TXNRD1: variants seen among roughly 807,000 people sequenced by gnomAD.
TXNRD1 encodes thioredoxin reductase 1.
In TXNRD1, 57 loss-of-function variants were observed where a neutral mutation model predicts 80.3. The ratio of observed to expected loss-of-function variants is 0.71; its 90% CI spans 0.57 to 0.89. TXNRD1 has a LOEUF of 0.89. Among genes scored for constraint, TXNRD1 ranks in the 40% least tolerant of loss-of-function variants. The pLI, the probability that TXNRD1 is intolerant of heterozygous loss-of-function variation, is 0.00. For missense variants in TXNRD1, 730 were observed against 803.0 expected, an observed-to-expected ratio of 0.91 and a Z score of 1.10; for synonymous variants, 291 against 285.2, an observed-to-expected ratio of 1.02 and a Z score of -0.20.
chr12:104,310,635 T>A (rs1041800761), intron 4 of TXNRD1, among the ~76,000 whole-genome samples: 4 of 152,240 alleles, frequency 2.6e-5, no homozygotes, highest in Non-Finnish European at 5.9e-5. Context: ...AATGATTTTT[T>A]AAAAATTAAG....
intron 4 of TXNRD1, among the ~76,000 whole-genome samples, chr12:104,300,808 A>G (rs1478095298): frequency 2.0e-5 from 3 of 152,122 alleles, no homozygotes; most frequent in African/African-American, 7.2e-5. Context: ...CACCACGCCC[A>G]GCTAATTTTC....
intron 15 of TXNRD1, among the ~76,000 whole-genome samples, chr12:104,335,829 A>G (rs950774276): frequency 1.3e-5 from 2 of 152,204 alleles, no homozygotes; most frequent in South Asian, 4.1e-4. Flanking sequence ...CATGTATCCT[A>G]TTTGGAAACT....
chr12:104,305,032 T>A, intron 4 of TXNRD1: 1 of 1,266,102 alleles, frequency 7.9e-7, no homozygotes, highest in Non-Finnish European at 1.1e-6. Context: ...TCTTGTAAAG[T>A]GAAAAAGTAT....
chr12:104,278,500 A>ATT (rs2033808564), intron 3 of TXNRD1, among the ~76,000 whole-genome samples: 1 of 33,352 alleles, frequency 3.0e-5, no homozygotes, highest in African/African-American at 1.7e-4. Flanking sequence ...CGCCCAGCCT[A>ATT]ATTTTTTTTT....
At chr12:104,263,252 A>T (rs1464732556) in intron 3 of TXNRD1, among the ~76,000 whole-genome samples, 1 of 152,240 alleles carries the variant, frequency 6.6e-6, no homozygotes, top group Non-Finnish European at 1.5e-5. Flanking sequence ...ATGAGGAAAT[A>T]AAAACATAGT....
intron 1 of TXNRD1, among the ~76,000 whole-genome samples, chr12:104,242,573 G>A (rs1409339854): frequency 6.6e-6 from 1 of 151,638 alleles, no homozygotes; most frequent in Non-Finnish European, 1.5e-5. Flanking sequence ...CTGTAGTATT[G>A]CTTTTAAAAT....
intron 9 of TXNRD1, among the ~76,000 whole-genome samples, chr12:104,319,874 G>T (rs1382542315): frequency 6.6e-6 from 1 of 152,222 alleles, no homozygotes; most frequent in Non-Finnish European, 1.5e-5. Flanking sequence ...ATGCATGTAT[G>T]AGTATGAAAG....
chr12:104,248,087 A>G (rs926062587), intron 1 of TXNRD1, among the ~76,000 whole-genome samples: 9 of 152,234 alleles, frequency 5.9e-5, no homozygotes, highest in African/African-American at 1.9e-4. Context: ...AGAACAGAAA[A>G]TGAGAACTAG....
chr12:104,215,787 C>T lies in TXNRD1; in HGVS notation c.-16C>T. ...CGTCCTTCGGCTCCGTCAGTTCCCA[C>T]AGGGCCTTGTGCGACATGGGCTGCG... On this transcript the variant is annotated 5_prime_UTR_variant, in exon 1 of 17. Coordinates refer to ENST00000525566, the MANE Select transcript of TXNRD1 (RefSeq NM_001093771.3). 6.4e-7 allele frequency: 1 copy of T among 1,551,884 alleles called. No individual in the cohort carries two copies. Among genetic ancestry groups the T allele is most frequent in the African/African-American group, 1.4e-5 (1 of 73,012 alleles).
At chr12:104,217,012 C>T (rs531020431) in intron 1 of TXNRD1, among the ~76,000 whole-genome samples, 9 of 152,090 alleles carry the variant, frequency 5.9e-5, no homozygotes, top group Non-Finnish European at 1.0e-4. Flanking sequence ...GGGAAGCAGC[C>T]GGTGAGACCA....
chr12:104,349,607 A>G lies in TXNRD1; in HGVS notation c.*1186A>G, dbSNP rs1010431643. ...GTGTTTATGCTTTGTTAGCATTTCA[A>G]CTTGCATTATTATAAAGAGGTATTA... On this transcript the variant is annotated 3_prime_UTR_variant, in exon 17 of 17. Coordinates refer to ENST00000525566, the MANE Select transcript of TXNRD1 (RefSeq NM_001093771.3). 2.6e-5 allele frequency: 4 copies of G among 152,642 alleles called. No homozygotes were observed. The highest frequency in any genetic ancestry group is 6.5e-5 in the Admixed American group (1 of 15,278). 9.5% of individuals were successfully genotyped at this position (152,642 alleles called of 1,614,324 possible).
intron 2 of TXNRD1, among the ~76,000 whole-genome samples, chr12:104,257,346 A>AATATATTT (rs2033277705): frequency 1.3e-5 from 2 of 151,678 alleles, no homozygotes; most frequent in Non-Finnish European, 2.9e-5. Context: ...ACTATTGTAG[A>AATATATTT]ATATATTTTT....
chr12:104,297,836 G>A (rs1285051419), intron 4 of TXNRD1, among the ~76,000 whole-genome samples: 1 of 152,176 alleles, frequency 6.6e-6, no homozygotes, highest in East Asian at 1.9e-4. Flanking sequence ...CACATACCCA[G>A]TCCTTCTTAC....
chr12:104,264,618 TA>T (rs1390980908), intron 3 of TXNRD1, among the ~76,000 whole-genome samples: 1 of 152,226 alleles, frequency 6.6e-6, no homozygotes, highest in African/African-American at 2.4e-5. Context: ...GTCTTTTTTG[TA>T]AACTCTGTTC....
intron 3 of TXNRD1, among the ~76,000 whole-genome samples, chr12:104,259,862 C>T (rs2033329004): frequency 6.6e-6 from 1 of 152,118 alleles, no homozygotes; most frequent in Non-Finnish European, 1.5e-5. Context: ...TTTCTAAAGA[C>T]AGGTTCTCTA....
chr12:104,265,520 C>G (rs544973918), intron 3 of TXNRD1: 19 of 1,610,158 alleles, frequency 1.2e-5, no homozygotes, highest in East Asian at 2.2e-5. Flanking sequence ...TTTGAGAAGT[C>G]CCCCCTGCGG....
chr12:104,226,540 G>A (rs2135678746), intron 1 of TXNRD1, among the ~76,000 whole-genome samples: 1 of 152,328 alleles, frequency 6.6e-6, no homozygotes, highest in South Asian at 2.1e-4. Flanking sequence ...TTTAGATTAT[G>A]GCTCCACAAG....
chr12:104,277,728 A>G (rs10778318), intron 3 of TXNRD1, among the ~76,000 whole-genome samples: 102,678 of 151,652 alleles, frequency 0.68, 34,887 homozygotes, highest in East Asian at 0.85. Flanking sequence ...AATCAAGTTT[A>G]CCGGATTTAC....
At chr12:104,257,684 C>T (rs1167274343) in intron 2 of TXNRD1, among the ~76,000 whole-genome samples, 1 of 152,174 alleles carries the variant, frequency 6.6e-6, no homozygotes, top group Non-Finnish European at 1.5e-5. Flanking sequence ...GCTGGGATTA[C>T]AGACGTGAGC....
Sources: allele counts gnomAD v4.1 joint callset (sites outside exome capture counted in the v4.1 genomes callset), GRCh38; gene constraint gnomAD v4.1.1; transcripts MANE v1.5; gene names NCBI Gene and HGNC (gene_info 2026-07-23, HGNC 2026-07-21).